The following SORCS2 variants were observed in gnomAD, a reference collection of about 807,000 sequenced individuals.
The protein encoded by SORCS2 is VPS10 domain-containing receptor SorCS2.
SORCS2 carries 100 observed loss-of-function variants against 141.6 expected under a neutral mutation model. That is an observed-to-expected ratio of 0.71 (90% CI 0.60 to 0.83). SORCS2 has a LOEUF of 0.83. SORCS2 is among the 40% of genes least tolerant of loss of function. The pLI is 0.00. For missense variants in SORCS2, 1,646 were observed against 1,560.2 expected (o/e 1.05, Z -0.93); for synonymous variants, 789 against 676.9 (o/e 1.17, Z -2.57).
Position 7,497,285 on chromosome 4 carries a change from G to T in SORCS2, c.549-34245G>T, listed in dbSNP as rs569126982. On this transcript the variant is annotated intron_variant, in intron 2 of 26. Coordinates refer to ENST00000507866, the MANE Select transcript of SORCS2 (RefSeq NM_020777.3). ...CATGTCTGGGCCTCCCCTGAGGAGG[G>T]CCTCATTCAGCCTTCCCCGCAGCAC... 1.1e-4 allele frequency among the ~76,000 whole-genome samples: 16 copies of T among 152,330 alleles called. No individual in the cohort carries two copies. In the East Asian group the frequency reaches 2.9e-3, roughly 28 times the overall value.
At chr4:7,288,658 C>T (rs1181945689) in intron 1 of SORCS2, among the ~76,000 whole-genome samples, 1 of 151,816 alleles carries the variant, frequency 6.6e-6, no homozygotes, top group Non-Finnish European at 1.5e-5. Context: ...TCCTCTTCTT[C>T]CAAGGCCACA....
rs920461949 is a variant in SORCS2 at position 7,725,430 on chromosome 4, G to A, written c.2745+143G>A. 9.0e-6 allele frequency: 11 copies of A among 1,224,818 alleles called. No homozygotes were observed. The African/African-American group carries it at 1.4e-4, about 15-fold the overall frequency. The allele number at this position is 1,224,818 out of a possible 1,614,324, so 75.9% of individuals were successfully genotyped here. ...TCACCCTTGGGCCCCTCCTGGGGCAGTTGAGAGGGGCACACCCTCCGTGGG... is the reference window on the plus strand; with the variant it reads ...TCACCCTTGGGCCCCTCCTGGGGCAATTGAGAGGGGCACACCCTCCGTGGG... On this transcript the variant is annotated intron_variant, in intron 20 of 26. Transcript: ENST00000507866.
Position 7,201,691 on chromosome 4 carries a change from C to CT in SORCS2, c.480+8571dup, listed in dbSNP as rs1158067395. On this transcript the variant is annotated intron_variant, in intron 1 of 26. Transcript: ENST00000507866. The surrounding 1 kb of genome is among the most constrained non-coding windows in gnomAD (Gnocchi z 4.4). ...CCTCTTTTGGGGCCGCCTTGTCTTT[C>CT]TTTTTTCAGACTCCAAAGGATGAGT... is the stretch of plus-strand genomic sequence containing the variant. Among the ~76,000 whole-genome samples the CT allele has an allele frequency of 1.3e-5, 2 of 152,158 alleles. No homozygotes were observed. Among genetic ancestry groups the CT allele is most frequent in the East Asian group, 1.9e-4 (1 of 5,182 alleles).
chr4:7,451,292 A>G (rs775675693), intron 2 of SORCS2, among the ~76,000 whole-genome samples: 16 of 152,362 alleles, frequency 1.1e-4, no homozygotes, highest in Admixed American at 5.9e-4. Flanking sequence ...CAGCAGCAGC[A>G]GCGGCAGTGG....
At chr4:7,356,871 T>C (rs1225218745) in intron 1 of SORCS2, among the ~76,000 whole-genome samples, 1 of 152,250 alleles carries the variant, frequency 6.6e-6, no homozygotes, top group African/African-American at 2.4e-5. Context: ...GGGCCTGGCC[T>C]GCTGGCTGGG....
At chr4:7,673,109 A>G (rs962630135) in intron 8 of SORCS2, among the ~76,000 whole-genome samples, 2 of 152,256 alleles carry the variant, frequency 1.3e-5, no homozygotes, top group Admixed American at 1.3e-4. Flanking sequence ...TAAATGCAAC[A>G]TGAAGCGAAA....
At chr4:7,669,729 C>T (rs915586918) in intron 8 of SORCS2, among the ~76,000 whole-genome samples, 6 of 152,208 alleles carry the variant, frequency 3.9e-5, no homozygotes, top group African/African-American at 1.4e-4. Flanking sequence ...ACCTCATCCA[C>T]CCAATGTCTT....
intron 1 of SORCS2, among the ~76,000 whole-genome samples, chr4:7,274,332 T>C (rs1473436488): frequency 6.6e-6 from 1 of 152,240 alleles, no homozygotes; most frequent in Non-Finnish European, 1.5e-5. Flanking sequence ...TATTAGTCCT[T>C]TCCTGTGCTG....
intron 1 of SORCS2, among the ~76,000 whole-genome samples, chr4:7,284,140 C>T (rs1161512737): frequency 2.0e-5 from 3 of 152,108 alleles, no homozygotes; most frequent in African/African-American, 7.2e-5. Context: ...AAGGCAGGAC[C>T]GCGCCCCCTT....
chr4:7,336,284 C>T (rs1019107533), intron 1 of SORCS2, among the ~76,000 whole-genome samples: 3 of 152,158 alleles, frequency 2.0e-5, no homozygotes, highest in Admixed American at 1.3e-4. Context: ...AAGCATCCAG[C>T]GGGCAGCTTG....
chr4:7,502,600 C>G (rs1208391322), intron 2 of SORCS2, among the ~76,000 whole-genome samples: 2 of 152,258 alleles, frequency 1.3e-5, no homozygotes, highest in African/African-American at 4.8e-5. Flanking sequence ...CCTTGATCAC[C>G]TTGTCCCTTC....
At chr4:7,369,294 G>A (rs1223960183) in intron 1 of SORCS2, among the ~76,000 whole-genome samples, 1 of 152,204 alleles carries the variant, frequency 6.6e-6, no homozygotes. Context: ...CTGAGCAACA[G>A]AGCCAGACTC....
intron 2 of SORCS2, among the ~76,000 whole-genome samples, chr4:7,522,179 G>A (rs61096498): frequency 5.3e-5 from 8 of 152,158 alleles, no homozygotes; most frequent in Admixed American, 1.3e-4. Flanking sequence ...ACACCTGCGC[G>A]TGTGACTTCC....
chr4:7,231,874 T>C (rs975416863), intron 1 of SORCS2, among the ~76,000 whole-genome samples: 1 of 151,868 alleles, frequency 6.6e-6, no homozygotes, highest in Non-Finnish European at 1.5e-5. Flanking sequence ...TCTGGGGGGA[T>C]TGGGAGAGAC....
chr4:7,706,021 G>T (rs866331390), intron 14 of SORCS2, among the ~76,000 whole-genome samples: 2 of 145,598 alleles, frequency 1.4e-5, no homozygotes, highest in Non-Finnish European at 3.1e-5. Context: ...GATGAGGCTG[G>T]GCTCTGTCTG....
intron 3 of SORCS2, among the ~76,000 whole-genome samples, chr4:7,569,675 G>A (rs1187838789): frequency 2.0e-5 from 3 of 152,170 alleles, no homozygotes; most frequent in Non-Finnish European, 1.5e-5. Flanking sequence ...ATCAGGACGT[G>A]GAATCATAAG....
chr4:7,324,496 A>G (rs1001923546), intron 1 of SORCS2, among the ~76,000 whole-genome samples: 4 of 152,170 alleles, frequency 2.6e-5, no homozygotes, highest in African/African-American at 4.8e-5. Flanking sequence ...GGATGTGGGA[A>G]CTGCGCGGGG....
chr4:7,539,730 TCCTGCTGTGGCGGCCCC>T (rs1712431370), intron 3 of SORCS2, among the ~76,000 whole-genome samples: 1 of 127,862 alleles, frequency 7.8e-6, no homozygotes, highest in African/African-American at 2.7e-5. Context: ...CCCCGCCCCT[TCCTGCTGTGGCGGCCCC>T]ACCCCATCCC....
chr4:7,641,264 T>A (rs534324256), intron 4 of SORCS2, among the ~76,000 whole-genome samples: 6 of 152,230 alleles, frequency 3.9e-5, no homozygotes, highest in South Asian at 4.1e-4. Flanking sequence ...TCCACATGGG[T>A]GGGGAGGCCT....
Sources: allele counts gnomAD v4.1 joint callset (sites outside exome capture counted in the v4.1 genomes callset), GRCh38; gene constraint gnomAD v4.1.1; non-coding constraint Gnocchi (gnomAD v3.1); transcripts MANE v1.5; gene names NCBI Gene and HGNC (gene_info 2026-07-23, HGNC 2026-07-21).